Variants in GRIK2 observed in about 807,000 individuals in gnomAD.
GRIK2 encodes glutamate ionotropic receptor kainate type subunit 2.
A neutral mutation model predicts 100.3 loss-of-function variants in GRIK2; 32 were observed. The ratio of observed to expected loss-of-function variants is 0.32; its 90% CI spans 0.24 to 0.43. GRIK2 has a LOEUF of 0.43. Ranked by LOEUF, GRIK2 falls within the 20% of genes least tolerant of loss-of-function variation. The pLI is 1.00. For missense variants in GRIK2, 843 were observed against 1,114.9 expected (o/e 0.76, Z 3.47); for synonymous variants, 417 against 389.4 (o/e 1.07, Z -0.83).
chr6:101,412,668 A>G (rs1428673077), intron 2 of GRIK2, among the ~76,000 whole-genome samples: 1 of 152,046 alleles, frequency 6.6e-6, no homozygotes, highest in East Asian at 1.9e-4. Context: ...TTAGCAATTG[A>G]GAGCATGTAA....
intron 2 of GRIK2, among the ~76,000 whole-genome samples, chr6:101,497,253 C>A (rs1236958826): frequency 2.0e-5 from 3 of 152,138 alleles, no homozygotes; most frequent in African/African-American, 7.2e-5. Flanking sequence ...CTCACCCTTC[C>A]ATTTGCTTCT....
chr6:101,683,894 G>A (rs1771478173), intron 6 of GRIK2, among the ~76,000 whole-genome samples: 1 of 152,044 alleles, frequency 6.6e-6, no homozygotes, highest in Non-Finnish European at 1.5e-5. Flanking sequence ...AGTGTCTCTA[G>A]CATCTATCTT....
intron 2 of GRIK2, among the ~76,000 whole-genome samples, chr6:101,417,994 C>G (rs1387669295): frequency 1.3e-5 from 2 of 152,218 alleles, no homozygotes; most frequent in Non-Finnish European, 2.9e-5. Context: ...CTACAACAGA[C>G]TGTCTCTCAA....
chr6:101,915,133 C>G lies in GRIK2; in HGVS notation c.1749-9468C>G, dbSNP rs867630762. 7.3e-5 allele frequency among the ~76,000 whole-genome samples: 11 copies of G among 151,478 alleles called. 1 individual carries two copies. The Middle Eastern group carries it at 0.01, about 141-fold the overall frequency. ...ACAATTAAAGAAAAAATGATACGGG[C>G]TGTGTGACTCAAAACTAATGCACAC... is the stretch of plus-strand genomic sequence containing the variant. On this transcript the variant is annotated intron_variant, in intron 12 of 16. Transcript: ENST00000369134.
At chr6:101,435,037 C>A (rs1395091728) in intron 2 of GRIK2, among the ~76,000 whole-genome samples, 1 of 152,136 alleles carries the variant, frequency 6.6e-6, no homozygotes, top group African/African-American at 2.4e-5. Context: ...ATCACATAGT[C>A]CCAACTCTTA....
At chr6:101,633,729 T>C (rs1366534230) in intron 4 of GRIK2, among the ~76,000 whole-genome samples, 3 of 152,186 alleles carry the variant, frequency 2.0e-5, no homozygotes, top group Admixed American at 1.3e-4. Context: ...TCCAGTCTGT[T>C]TCTCTACAAA....
At chr6:101,683,641 C>A (rs1771452131) in intron 6 of GRIK2, among the ~76,000 whole-genome samples, 1 of 152,116 alleles carries the variant, frequency 6.6e-6, no homozygotes, top group South Asian at 2.1e-4. Context: ...TTATTTTCTT[C>A]AGAACTGGTT....
intron 7 of GRIK2, among the ~76,000 whole-genome samples, chr6:101,704,188 A>C (rs2128354455): frequency 6.6e-6 from 1 of 151,928 alleles, no homozygotes; most frequent in South Asian, 2.1e-4. Context: ...AGTTAAATTT[A>C]ATGAGTTTAA....
intron 14 of GRIK2, among the ~76,000 whole-genome samples, chr6:102,019,556 T>A (rs1769314570): frequency 1.3e-5 from 2 of 152,034 alleles, no homozygotes; most frequent in South Asian, 4.1e-4. Flanking sequence ...TTTTCACAGG[T>A]GGGCATTTAC....
At position 101,762,168 on chromosome 6, in the gene GRIK2, G is replaced by C. The variant is rs866843584; in HGVS notation, c.952-37480G>C. ...TTCCTCTTCCTCTGTCTCTGTCTCT[G>C]TCTCTCTCTCTCTCTCTTCTTTCTC... On this transcript the variant is annotated intron_variant, in intron 7 of 16. Coordinates refer to ENST00000369134, the MANE Select transcript of GRIK2 (RefSeq NM_021956.5). Among the ~76,000 whole-genome samples the C allele has an allele frequency of 4.8e-3, 579 of 120,914 alleles. 3 individuals carry two copies. Among genetic ancestry groups the C allele is most frequent in the African/African-American group, 0.016 (453 of 28,902 alleles). 79.3% of individuals were successfully genotyped at this position (120,914 alleles called of 152,430 possible). A position where few individuals can be genotyped will look rare whatever the true frequency, so the allele number is the denominator to read the frequency against.
chr6:101,956,105 CTAA>C (rs1367328503), intron 14 of GRIK2, among the ~76,000 whole-genome samples: 4 of 152,034 alleles, frequency 2.6e-5, no homozygotes, highest in Admixed American at 2.0e-4. Context: ...TTTTATTCAG[CTAA>C]TAATATGTCC....
intron 10 of GRIK2, among the ~76,000 whole-genome samples, chr6:101,852,553 A>AGGGG (rs1021496597): frequency 7.9e-5 from 12 of 152,158 alleles, no homozygotes; most frequent in African/African-American, 2.9e-4. Context: ...GCTATGAGCC[A>AGGGG]GGGGATGTTT....
chr6:101,969,505 T>A (rs761439269), intron 14 of GRIK2, among the ~76,000 whole-genome samples: 5 of 152,048 alleles, frequency 3.3e-5, no homozygotes, highest in Non-Finnish European at 7.4e-5. Context: ...TGACCTCAAA[T>A]AATTGATTTC....
chr6:101,588,520 C>T (rs1778484177), intron 2 of GRIK2, among the ~76,000 whole-genome samples: 1 of 151,976 alleles, frequency 6.6e-6, no homozygotes, highest in Admixed American at 6.6e-5. Flanking sequence ...TGGCACATAC[C>T]TCTAGTCCCA....
intron 2 of GRIK2, among the ~76,000 whole-genome samples, chr6:101,485,827 AT>A (rs1333529358): frequency 2.6e-5 from 4 of 152,032 alleles, no homozygotes; most frequent in Non-Finnish European, 4.4e-5. Context: ...ATGATACATG[AT>A]CCAAAGGAGC....
chr6:101,414,648 A>C lies in GRIK2; in HGVS notation c.115+15256A>C, dbSNP rs576373268. On this transcript the variant is annotated intron_variant, in intron 2 of 16. Transcript: ENST00000369134. ...ACATCTTTAAGGAATGTTGTTTTGC[A>C]TGATCTAAAAGGATGCTGTAGTGAT... is the stretch of plus-strand genomic sequence containing the variant. Among the ~76,000 whole-genome samples, 233 of 152,262 alleles carry C rather than the reference A, an allele frequency of 1.5e-3. 1 individual carries two copies. The highest frequency in any genetic ancestry group is 2.9e-3 in the Non-Finnish European group (194 of 68,020).
intron 9 of GRIK2, among the ~76,000 whole-genome samples, chr6:101,816,684 C>T (rs918469971): frequency 1.2e-4 from 18 of 151,956 alleles, no homozygotes; most frequent in African/African-American, 4.1e-4. Context: ...AGCAAGACTC[C>T]ATCTCAAAAA....
intron 2 of GRIK2, among the ~76,000 whole-genome samples, chr6:101,478,575 G>T (rs2852533): frequency 6.8e-6 from 1 of 147,678 alleles, no homozygotes; most frequent in South Asian, 2.1e-4. Flanking sequence ...GTGCAGTGGC[G>T]CGATCTCAGC....
intron 2 of GRIK2, among the ~76,000 whole-genome samples, chr6:101,509,244 A>G (rs1774182670): frequency 6.6e-6 from 1 of 151,856 alleles, no homozygotes; most frequent in African/African-American, 2.4e-5. Flanking sequence ...CAGACACCTT[A>G]CCAACTTGAC....
Sources: gnomAD v4.1 joint callset for allele counts (sites outside exome capture counted in the v4.1 genomes callset) on GRCh38, gnomAD v4.1.1 for gene constraint, MANE v1.5 for transcripts, NCBI Gene and HGNC (gene_info 2026-07-23, HGNC 2026-07-21) for gene names.